Variants in ZNF316 observed in about 807,000 individuals in gnomAD.
ZNF316 encodes zinc finger protein 316.
In ZNF316, 23 loss-of-function variants were observed where a neutral mutation model predicts 75.6. That is an observed-to-expected ratio of 0.30 (90% CI 0.22 to 0.43). The LOEUF is 0.43. ZNF316 is among the 20% of genes least tolerant of loss of function. The pLI is 1.00. For synonymous variants in ZNF316, 827 were observed against 666.2 expected (o/e 1.24, Z -3.72); for missense variants, 1,266 against 1,409.4 (o/e 0.90, Z 1.63).
At position 6,653,453 on chromosome 7, in the gene ZNF316, C is replaced by T. The variant is rs1779553949; in HGVS notation, c.1857C>T (p.Pro619=). The T allele has an allele frequency of 1.6e-6, 2 of 1,227,700 alleles. No homozygotes were observed. Among genetic ancestry groups the T allele is most frequent in the African/African-American group, 1.6e-5 (1 of 64,268 alleles). The allele number at this position is 1,227,700 out of a possible 1,614,324, so 76.1% of individuals were successfully genotyped here. ...ACAGCTTCCCGATCCTGGGCCTACC[C>T]GACTTCCGAGAGCGGCTGCCGGTCG... ...HPDSFPILGL[P]DFRERLPVDG... is the part of the protein sequence containing the mutation. The change falls in exon 9 of 9, where the codon CCC becomes CCT. Residue 619 remains proline (P), a synonymous_variant. Transcript: ENST00000382252.
chr7:6,654,099 G>C lies in ZNF316; in HGVS notation c.2503G>C (p.Asp835His). ...HAEEKPHRCP[D>H]CGKGFGHSSD... is the part of the protein sequence containing the mutation. ...CGAGGAGAAGCCGCACCGCTGCCCC[G>C]ACTGCGGCAAGGGCTTCGGCCACAG... Residue 835 changes from aspartate (D) to histidine (H), a missense_variant, in exon 9 of 9, where the codon GAC becomes CAC. Around this residue, in one of 3 missense-constraint regions of ZNF316, gnomAD observed 194 missense variants for 319.2 expected, o/e 0.61. Transcript: ENST00000382252. 2 of 1,218,326 alleles carry C rather than the reference G, an allele frequency of 1.6e-6. No individual in the cohort carries two copies. The highest frequency in any genetic ancestry group is 2.0e-6 in the Non-Finnish European group (2 of 978,630). 75.5% of individuals were successfully genotyped at this position (1,218,326 alleles called of 1,614,324 possible).
rs1055237449 is a variant in ZNF316 at position 6,656,858 on chromosome 7, G to A, written c.*2247G>A. 1.3e-5 allele frequency among the ~76,000 whole-genome samples: 2 copies of A among 149,364 alleles called. No individual in the cohort carries two copies. The highest frequency in any genetic ancestry group is 5.0e-5 in the African/African-American group (2 of 40,120). ...ACCAGGGCAAGGTGTACAGCCCCAG[G>A]ACCCAAAATGCCTCCCTTAAAGCTG... On this transcript the variant is annotated 3_prime_UTR_variant, in exon 9 of 9. Coordinates refer to ENST00000382252, the MANE Select transcript of ZNF316 (RefSeq NM_001278559.2).
At position 6,657,023 on chromosome 7, in the gene ZNF316, C is replaced by T. The variant is rs1015121228; in HGVS notation, c.*2412C>T. Among the ~76,000 whole-genome samples, 2 of 152,128 alleles carry T rather than the reference C, an allele frequency of 1.3e-5. No individual in the cohort carries two copies. Among genetic ancestry groups the T allele is most frequent in the African/African-American group, 4.8e-5 (2 of 41,420 alleles). ...GGCATCAGAACAGAGCAATCTAATGCTTCTTTTCTTGCCCAGGCTGGAGTG... is the reference window on the plus strand; with the variant it reads ...GGCATCAGAACAGAGCAATCTAATGTTTCTTTTCTTGCCCAGGCTGGAGTG... On this transcript the variant is annotated 3_prime_UTR_variant, in exon 9 of 9. Transcript: ENST00000382252.
intron 8 of ZNF316, among the ~76,000 whole-genome samples, chr7:6,647,606 G>A (rs1224259996): frequency 1.3e-5 from 2 of 152,252 alleles, no homozygotes; most frequent in Non-Finnish European, 2.9e-5. Context: ...CCAGGCCCCA[G>A]TGGATGGGTT....
rs1298244849 is a variant in ZNF316, at chr7:6,653,171, G to A, written c.1575G>A (p.Ala525=). The change falls in exon 9 of 9, where the codon GCG becomes GCA. Residue 525 remains alanine (A), a synonymous_variant. Coordinates refer to ENST00000382252, the MANE Select transcript of ZNF316 (RefSeq NM_001278559.2). ...DGPRREPGET[A]AAAGPEDTDP... ...CCCGGCGGGAGCCCGGCGAGACGGC[G>A]GCCGCCGCGGGGCCCGAGGACACGG... 4 of 1,202,102 alleles carry A rather than the reference G, an allele frequency of 3.3e-6. No homozygotes were observed. Among genetic ancestry groups the A allele is most frequent in the African/African-American group, 1.6e-5 (1 of 62,918 alleles). The allele number at this position is 1,202,102 out of a possible 1,614,324, so 74.5% of individuals were successfully genotyped here.
In ZNF316 at chr7:6,638,019, G is replaced by A. The variant is rs1779247828; in HGVS notation, c.-267+10G>A. On this transcript the variant is annotated intron_variant, in intron 2 of 8. Coordinates refer to ENST00000382252, the MANE Select transcript of ZNF316 (RefSeq NM_001278559.2). ...CTTCTGCTGCCGGCAGGTAGGTAGG[G>A]ACACCCATCCCTGGGATTGGATGGG... is the stretch of plus-strand genomic sequence containing the variant. 1.3e-5 allele frequency: 2 copies of A among 152,248 alleles called. No homozygotes were observed. 9.4% of individuals were successfully genotyped at this position (152,248 alleles called of 1,614,324 possible).
intron 7 of ZNF316, 141 bp downstream of exon 7, chr7:6,644,089 C>G (rs1779356868): frequency 1.0e-6 from 1 of 971,558 alleles, no homozygotes; most frequent in South Asian, 5.5e-5. Flanking sequence ...CAGGGAAGCC[C>G]TAGGACCCCA....
chr7:6,638,301 T>C (rs1187008166), intron 2 of ZNF316, among the ~76,000 whole-genome samples: 1 of 151,482 alleles, frequency 6.6e-6, no homozygotes, highest in Non-Finnish European at 1.5e-5. Context: ...CCCAGGAAAG[T>C]AGGGGGATCC....
chr7:6,649,735 G>A (rs1779474090), intron 8 of ZNF316, among the ~76,000 whole-genome samples: 1 of 152,162 alleles, frequency 6.6e-6, no homozygotes, highest in Non-Finnish European at 1.5e-5. Flanking sequence ...GGTGTCAATG[G>A]TGGCCTGTCA....
intron 8 of ZNF316, among the ~76,000 whole-genome samples, chr7:6,646,822 C>G (rs899769337): frequency 6.6e-6 from 1 of 152,130 alleles, no homozygotes; most frequent in African/African-American, 2.4e-5. Flanking sequence ...TGTTTCTAGA[C>G]TGGAGTCTTG....
At chr7:6,643,637 C>A (rs1165305392) in intron 6 of ZNF316, among the ~76,000 whole-genome samples, 185 bp from the exon 7 acceptor site, 1 of 152,168 alleles carries the variant, frequency 6.6e-6, no homozygotes, top group East Asian at 1.9e-4. Flanking sequence ...GAGCTTGAGT[C>A]CCCATTCTCT....
Position 6,642,215 on chromosome 7 carries a change from T to C in ZNF316, c.-28-167T>C. On this transcript the variant is annotated intron_variant, in intron 4 of 8. Transcript: ENST00000382252. The surrounding 1 kb of genome is among the most constrained non-coding windows in gnomAD (Gnocchi z 8.1). ...TACAGAATGTCTTGATGGTGCAGGG[T>C]AAGATCGTGGGAAGGCCCGGTCCTC... 2.5e-6 allele frequency: 1 copy of C among 396,946 alleles called. No individual in the cohort carries two copies. Among genetic ancestry groups the C allele is most frequent in the Non-Finnish European group, 4.4e-6 (1 of 226,160 alleles). The allele number at this position is 396,946 out of a possible 1,614,324, so 24.6% of individuals were successfully genotyped here.
At position 6,656,063 on chromosome 7, in the gene ZNF316, A is replaced by T. The variant is rs1273737428; in HGVS notation, c.*1452A>T. On this transcript the variant is annotated 3_prime_UTR_variant, in exon 9 of 9. Coordinates refer to ENST00000382252, the MANE Select transcript of ZNF316 (RefSeq NM_001278559.2). ...GCCTTGGGGGCTGAGCGCAGCAGCCAGGCTGCCAGGGCTGGGGGCGGGTAG... is the reference window on the plus strand; with the variant it reads ...GCCTTGGGGGCTGAGCGCAGCAGCCTGGCTGCCAGGGCTGGGGGCGGGTAG... 1 of 152,272 alleles carries T rather than the reference A, an allele frequency of 6.6e-6. No homozygotes were observed. The highest frequency in any genetic ancestry group is 2.4e-5 in the African/African-American group (1 of 41,404). 9.4% of individuals were successfully genotyped at this position (152,272 alleles called of 1,614,324 possible). A position where few individuals can be genotyped will look rare whatever the true frequency, so the allele number is the denominator to read the frequency against.
rs974798927 is a variant in ZNF316 at position 6,653,116 on chromosome 7, G to A, written c.1520G>A (p.Gly507Glu). The A allele has an allele frequency of 1.7e-6, 2 of 1,165,376 alleles. No homozygotes were observed. Among genetic ancestry groups the A allele is most frequent in the African/African-American group, 3.3e-5 (2 of 61,310 alleles). The allele number at this position is 1,165,376 out of a possible 1,614,324, so 72.2% of individuals were successfully genotyped here. A position where few individuals can be genotyped will look rare whatever the true frequency, so the allele number is the denominator to read the frequency against. ...GACTTCCAGCGCCACCGACGCGGCGGGGGCTGCGCGGAGGCGGGTGGTGAC... is the reference window on the plus strand; with the variant it reads ...GACTTCCAGCGCCACCGACGCGGCGAGGGCTGCGCGGAGGCGGGTGGTGAC... ...RADFQRHRRG[G>E]GCAEAGGDGP... The change falls in exon 9 of 9, where the codon GGG becomes GAG. Residue 507 changes from glycine (G) to glutamate (E), a missense_variant. Transcript: ENST00000382252.
In ZNF316 at chr7:6,643,043, C is replaced by G; in HGVS notation, c.435C>G (p.Asp145Glu). The change falls in exon 6 of 9, where the codon GAC becomes GAG. Residue 145 changes from aspartate to glutamate, a missense_variant. Asp to Glu is a conservative substitution (Grantham distance 45). Around this residue, in one of 3 missense-constraint regions of ZNF316, gnomAD observed 961 missense variants for 990.9 expected, o/e 0.97. Coordinates refer to ENST00000382252, the MANE Select transcript of ZNF316 (RefSeq NM_001278559.2). ...EEEEEEEEDE[D>E]EDDLLTAGCQ... Reference sequence around the variant, plus strand: ...AGGAAGAGGAGGAGGAGGATGAGGACGAGGATGATTTGCTGACGGCTGGGT... The same window carrying G: ...AGGAAGAGGAGGAGGAGGATGAGGAGGAGGATGATTTGCTGACGGCTGGGT... 8.1e-7 allele frequency: 1 copy of G among 1,239,094 alleles called. No individual in the cohort carries two copies. Among genetic ancestry groups the G allele is most frequent in the Admixed American group, 4.2e-5 (1 of 23,982 alleles). 76.8% of individuals were successfully genotyped at this position (1,239,094 alleles called of 1,614,324 possible). A position where few individuals can be genotyped will look rare whatever the true frequency, so the allele number is the denominator to read the frequency against.
chr7:6,642,170 A>G lies in ZNF316; in HGVS notation c.-29+208A>G, dbSNP rs769746317. On this transcript the variant is annotated intron_variant, in intron 4 of 8. Coordinates refer to ENST00000382252, the MANE Select transcript of ZNF316 (RefSeq NM_001278559.2). The surrounding 1 kb of genome is among the most constrained non-coding windows in gnomAD (Gnocchi z 8.1). Reference sequence around the variant, plus strand: ...ATCCCAGGGGTCACGCGGAGGGGCCATTGGGGCAGCCTTTCTGGGTACAGA... The same window carrying G: ...ATCCCAGGGGTCACGCGGAGGGGCCGTTGGGGCAGCCTTTCTGGGTACAGA... 7.9e-6 allele frequency: 3 copies of G among 378,182 alleles called. No homozygotes were observed. The highest frequency in any genetic ancestry group is 2.1e-5 in the African/African-American group (1 of 48,244). The allele number at this position is 378,182 out of a possible 1,614,324, so 23.4% of individuals were successfully genotyped here.
intron 6 of ZNF316, among the ~76,000 whole-genome samples, chr7:6,643,526 C>T (rs1031670663): frequency 1.3e-5 from 2 of 152,232 alleles, no homozygotes; most frequent in Non-Finnish European, 2.9e-5. Context: ...CTGGCTTGAG[C>T]CAGACTGCAT....
At position 6,653,605 on chromosome 7, in the gene ZNF316, C is replaced by T. The variant is rs1779560077; in HGVS notation, c.2009C>T (p.Pro670Leu). The T allele has an allele frequency of 9.4e-7, 1 of 1,062,304 alleles. No individual in the cohort carries two copies. The highest frequency in any genetic ancestry group is 1.1e-6 in the Non-Finnish European group (1 of 878,460). The allele number at this position is 1,062,304 out of a possible 1,614,324, so 65.8% of individuals were successfully genotyped here. A position where few individuals can be genotyped will look rare whatever the true frequency, so the allele number is the denominator to read the frequency against. The part of the protein sequence containing the change: ...GGGGGLRAFG[P>L]AIGGLLAEPA... Reference sequence around the variant, plus strand: ...GGAGGCGGCCTGCGCGCGTTCGGGCCCGCCATCGGGGGTCTGCTGGCGGAG... The same window carrying T: ...GGAGGCGGCCTGCGCGCGTTCGGGCTCGCCATCGGGGGTCTGCTGGCGGAG... Residue 670 changes from proline to leucine, a missense_variant, in exon 9 of 9, where the codon CCC becomes CTC. Around this residue, in one of 3 missense-constraint regions of ZNF316, gnomAD observed 961 missense variants for 990.9 expected, o/e 0.97. Coordinates refer to ENST00000382252, the MANE Select transcript of ZNF316 (RefSeq NM_001278559.2).
At position 6,654,251 on chromosome 7, in the gene ZNF316, C is replaced by G; in HGVS notation, c.2655C>G (p.Arg885=). ...AKHRRGHTGE[R]PFPCPECGKR... Reference sequence around the variant, plus strand: ...ACCGGCGCGGCCACACGGGCGAACGCCCCTTCCCGTGCCCTGAGTGCGGCA... The same window carrying G: ...ACCGGCGCGGCCACACGGGCGAACGGCCCTTCCCGTGCCCTGAGTGCGGCA... The change falls in exon 9 of 9, where the codon CGC becomes CGG. Residue 885 remains arginine (R), a synonymous_variant. Coordinates refer to ENST00000382252, the MANE Select transcript of ZNF316 (RefSeq NM_001278559.2). The G allele has an allele frequency of 2.5e-6, 3 of 1,222,420 alleles. No individual in the cohort carries two copies. The highest frequency in any genetic ancestry group is 3.1e-6 in the Non-Finnish European group (3 of 981,618). The allele number at this position is 1,222,420 out of a possible 1,614,324, so 75.7% of individuals were successfully genotyped here.
Sources: gnomAD v4.1 joint callset for allele counts (sites outside exome capture counted in the v4.1 genomes callset) on GRCh38, gnomAD v4.1.1 for gene constraint, gnomAD v4.1.1 regional missense constraint, Gnocchi (gnomAD v3.1) non-coding constraint, MANE v1.5 for transcripts, NCBI Gene and HGNC (gene_info 2026-07-23, HGNC 2026-07-21) for gene names.